The following ECT2 variants were observed in gnomAD, a reference collection of about 807,000 sequenced individuals.
ECT2 encodes the protein protein ECT2.
In ECT2, 61 loss-of-function variants were observed where a neutral mutation model predicts 116.9. That is an observed-to-expected ratio of 0.52 (90% CI 0.42 to 0.65). The LOEUF is 0.65. Ranked by LOEUF, ECT2 falls within the 30% of genes least tolerant of loss-of-function variation. The pLI is 0.00. For missense variants in ECT2, 937 were observed against 1,078.7 expected (o/e 0.87, Z 1.84); for synonymous variants, 358 against 346.4 (o/e 1.03, Z -0.37).
chr3:172,818,553 C>G (rs964566203), intron 24 of ECT2: 6 of 1,274,580 alleles, frequency 4.7e-6, no homozygotes, highest in Non-Finnish European at 6.1e-6. Flanking sequence ...AACAGATTAC[C>G]CATTCTGTTT....
rs371466562 is a variant in ECT2 at position 172,802,605 on chromosome 3, CTA to C, written c.1908-9_1908-8del. The C allele has an allele frequency of 1.4e-4, 212 of 1,503,160 alleles. 1 individual carries two copies. The East Asian group carries it at 2.2e-3, about 15-fold the overall frequency. 93.1% of individuals were successfully genotyped at this position (1,503,160 alleles called of 1,614,324 possible). ...TCTATTTTAAAAGTTTTAAAAATAA[CTA>C]TTTTTCAGGCATATTAATGAGGATA... On this transcript the variant is annotated splice_polypyrimidine_tract_variant and intron_variant, in intron 18 of 24. Transcript: ENST00000392692.
intron 12 of ECT2, among the ~76,000 whole-genome samples, chr3:172,767,618 T>A (rs928082670): frequency 5.3e-5 from 8 of 152,208 alleles, no homozygotes; most frequent in African/African-American, 1.9e-4. Flanking sequence ...ATTAGGTGCT[T>A]CTATATATAA....
chr3:172,770,981 GA>G (rs1720516987), intron 13 of ECT2, among the ~76,000 whole-genome samples: 1 of 152,144 alleles, frequency 6.6e-6, no homozygotes, highest in Non-Finnish European at 1.5e-5. Context: ...TATTGGCCTG[GA>G]ATTTTCTGTG....
rs1365878389 is a variant in ECT2 at position 172,802,897 on chromosome 3, C to T, written c.2023C>T (p.Arg675Trp). The T allele has an allele frequency of 1.1e-5, 18 of 1,612,918 alleles. No homozygotes were observed. The highest frequency in any genetic ancestry group is 6.7e-5 in the African/African-American group (5 of 74,868). ...ATCTTCTCACCGAAGCTTAGTACAG[C>T]GGGTTGAAACAATTTCTCTAGGTGA... Reference protein sequence around the residue: ...LLSSHRSLVQRVETISLGEHP... With the variant: ...LLSSHRSLVQWVETISLGEHP... The change falls in exon 20 of 25, where the codon CGG (arginine) becomes TGG (tryptophan). Residue 675 changes from arginine (R) to tryptophan (W), a missense_variant. Coordinates refer to ENST00000392692, the MANE Select transcript of ECT2 (RefSeq NM_001258315.2).
intron 18 of ECT2, 130 bp downstream of exon 18, chr3:172,786,704 T>G (rs1723664585): frequency 1.6e-6 from 1 of 612,996 alleles, no homozygotes; most frequent in African/African-American, 1.8e-5. Flanking sequence ...TTTCTAATAG[T>G]GTAGTTACAC....
At chr3:172,828,081 C>T in the ECT2 span, among the ~76,000 whole-genome samples, 1 of 151,990 alleles carries the variant, frequency 6.6e-6, no homozygotes, top group Non-Finnish European at 1.5e-5. Flanking sequence ...TAGATACCAG[C>T]CACAAACAAG....
In ECT2 at chr3:172,773,936, C is replaced by T. The variant is rs748437185; in HGVS notation, c.1462C>T (p.Arg488Cys). The T allele has an allele frequency of 4.3e-6, 7 of 1,613,186 alleles. No individual in the cohort carries two copies. In the South Asian group the frequency reaches 4.4e-5, roughly 10 times the overall value. Residue 488 changes from arginine (R) to cysteine (C), a missense_variant, in exon 14 of 25, where the codon CGT becomes TGT. Physicochemically the swap from Arg to Cys is radical, Grantham distance 180. Transcript: ENST00000392692. ...FQVPLEEEGQ[R>C]GGPILAPEEI... is the part of the protein sequence containing the mutation. ...AGTACCATTGGAAGAGGAAGGACAACGTGGTGGACCTATCCTTGCACCAGA... is the reference window on the plus strand; with the variant it reads ...AGTACCATTGGAAGAGGAAGGACAATGTGGTGGACCTATCCTTGCACCAGA...
chr3:172,794,881 A>T (rs1725331121), intron 18 of ECT2, among the ~76,000 whole-genome samples: 2 of 150,686 alleles, frequency 1.3e-5, no homozygotes, highest in Non-Finnish European at 3.0e-5. Context: ...CACCTGGCTA[A>T]TTTTTTTTTA....
In ECT2 at chr3:172,762,684, T is replaced by A; in HGVS notation, c.890-7T>A. The A allele has an allele frequency of 6.2e-7, 1 of 1,601,684 alleles. No homozygotes were observed. The highest frequency in any genetic ancestry group is 8.5e-7 in the Non-Finnish European group (1 of 1,176,098). ...GCTTATTTATGCTTATGTGCATTCC[T>A]TTTTAGGAGGTAAATATTTACCGCT... On this transcript the variant is annotated splice_polypyrimidine_tract_variant and splice_region_variant and intron_variant, in intron 9 of 24. Transcript: ENST00000392692.
At chr3:172,794,581 A>T (rs1328365443) in intron 18 of ECT2, among the ~76,000 whole-genome samples, 1 of 152,150 alleles carries the variant, frequency 6.6e-6, no homozygotes, top group East Asian at 1.9e-4. Flanking sequence ...TGAGTTCCAT[A>T]AATTTGGCAT....
rs556760715 is a variant in ECT2, at chr3:172,779,895, C to G, written c.1549-2268C>G. On this transcript the variant is annotated intron_variant, in intron 14 of 24. Coordinates refer to ENST00000392692, the MANE Select transcript of ECT2 (RefSeq NM_001258315.2). The stretch of plus-strand genomic sequence containing the variant: ...TGAGCAAAAGAGTGAGACCCTGTCT[C>G]AAAAAAAAAAAAAAGAAAGAAAATA... Among the ~76,000 whole-genome samples, 59 of 107,078 alleles carry G rather than the reference C, an allele frequency of 5.5e-4. 1 individual carries two copies. Among genetic ancestry groups the G allele is most frequent in the Admixed American group, 9.2e-4 (9 of 9,814 alleles). The allele number at this position is 107,078 out of a possible 152,430, so 70.2% of individuals were successfully genotyped here.
At chr3:172,788,055 A>G (rs1362299463) in intron 18 of ECT2, among the ~76,000 whole-genome samples, 1 of 152,156 alleles carries the variant, frequency 6.6e-6, no homozygotes, top group Non-Finnish European at 1.5e-5. Flanking sequence ...TAGATTTTCA[A>G]TAAATGTTAA....
chr3:172,793,067 T>C (rs1724966342), intron 18 of ECT2, among the ~76,000 whole-genome samples: 1 of 152,210 alleles, frequency 6.6e-6, no homozygotes. Flanking sequence ...AAGACGGTTG[T>C]ATTATTTTGC....
chr3:172,819,281 A>G (rs1378090932), intron 24 of ECT2, among the ~76,000 whole-genome samples: 3 of 152,084 alleles, frequency 2.0e-5, no homozygotes, highest in Admixed American at 2.0e-4. Context: ...TAAGCCAATT[A>G]CCTTACTAGC....
In ECT2 at chr3:172,773,914, A is replaced by G. The variant is rs747314538; in HGVS notation, c.1440A>G (p.Val480=). 2.0e-5 allele frequency: 32 copies of G among 1,613,196 alleles called. No individual in the cohort carries two copies. Among genetic ancestry groups the G allele is most frequent in the Non-Finnish European group, 2.6e-5 (31 of 1,179,482 alleles). ...ILATIIQLFQ[V]PLEEEGQRGG... ...TTTTTCTCATTTAGTTATTTCAAGTACCATTGGAAGAGGAAGGACAACGTG... is the reference window on the plus strand; with the variant it reads ...TTTTTCTCATTTAGTTATTTCAAGTGCCATTGGAAGAGGAAGGACAACGTG... Residue 480 remains valine, a synonymous_variant, in exon 14 of 25, where the codon GTA becomes GTG. Transcript: ENST00000392692.
At chr3:172,805,921 G>A (rs764746411) in intron 21 of ECT2, 52 bp downstream of exon 21, 4 of 1,569,572 alleles carry the variant, frequency 2.5e-6, no homozygotes, top group Non-Finnish European at 3.5e-6. Flanking sequence ...TATATTCATT[G>A]TAGGTTTAAT....
Position 172,760,882 on chromosome 3 carries a change from G to C in ECT2, c.684+619G>C, listed in dbSNP as rs1009334715. ...ACTACAGGTGCGCACCACCATGCCC[G>C]GCTAATTTTTGTAGTTTTCATAGAG... On this transcript the variant is annotated intron_variant, in intron 7 of 24. Coordinates refer to ENST00000392692, the MANE Select transcript of ECT2 (RefSeq NM_001258315.2). 1.4e-3 allele frequency among the ~76,000 whole-genome samples: 206 copies of C among 151,472 alleles called. 3 individuals carry two copies. Among genetic ancestry groups the C allele is most frequent in the Non-Finnish European group, 3.7e-4 (25 of 67,852 alleles).
chr3:172,796,134 G>A (rs1441569664), intron 18 of ECT2, among the ~76,000 whole-genome samples: 1 of 152,092 alleles, frequency 6.6e-6, no homozygotes, highest in Non-Finnish European at 1.5e-5. Context: ...TTGTCCTAAG[G>A]CAAAATGGTT....
rs144616290 is a variant in ECT2, at chr3:172,788,912, G to C, written c.1907+2338G>C. Among the ~76,000 whole-genome samples the C allele has an allele frequency of 5.0e-3, 764 of 152,172 alleles. 26 individuals carry two copies. Among genetic ancestry groups the C allele is most frequent in the Admixed American group, 0.046 (700 of 15,290 alleles). On this transcript the variant is annotated intron_variant, in intron 18 of 24. Coordinates refer to ENST00000392692, the MANE Select transcript of ECT2 (RefSeq NM_001258315.2). Reference sequence around the variant, plus strand: ...GTCTCTACTAAAAATACAAAAATTAGCTGGGCATGGTTGTGGGTGCCTGTA... The same window carrying C: ...GTCTCTACTAAAAATACAAAAATTACCTGGGCATGGTTGTGGGTGCCTGTA...
Sources: allele counts gnomAD v4.1 joint callset (sites outside exome capture counted in the v4.1 genomes callset), GRCh38; gene constraint gnomAD v4.1.1; transcripts MANE v1.5; gene names NCBI Gene and HGNC (gene_info 2026-07-23, HGNC 2026-07-21).